Variants in RFX6 observed in about 807,000 individuals in gnomAD.
RFX6 encodes the protein regulatory factor X6.
A neutral mutation model predicts 110.8 loss-of-function variants in RFX6; 50 were observed. The observed-to-expected ratio is 0.45, with a 90% CI of 0.36 to 0.57. The LOEUF (loss-of-function observed/expected upper bound fraction) is 0.57, where lower values mean the gene tolerates loss of function less well. RFX6 is among the 20% of genes least tolerant of loss of function. The probability of loss-of-function intolerance (pLI) is 0.00; values close to 1 mark genes in which losing one functional copy is unlikely to be tolerated. For synonymous variants in RFX6, 383 were observed against 411.2 expected, an observed-to-expected ratio of 0.93 and a Z score of 0.83; for missense variants, 990 against 1,127.0, an observed-to-expected ratio of 0.88 and a Z score of 1.74.
chr6:116,881,438 A>G (rs1774588067), intron 3 of RFX6, among the ~76,000 whole-genome samples: 1 of 152,058 alleles, frequency 6.6e-6, no homozygotes. Context: ...CCAGAAAATA[A>G]TGAATACTAC....
At chr6:116,900,412 A>G (rs1052940440) in intron 6 of RFX6, among the ~76,000 whole-genome samples, 4 of 151,918 alleles carry the variant, frequency 2.6e-5, no homozygotes, top group African/African-American at 9.7e-5. Flanking sequence ...GCGCCGCCAC[A>G]CCTGGCTAAT....
intron 7 of RFX6, among the ~76,000 whole-genome samples, chr6:116,914,147 GT>G (rs1171863097): frequency 2.0e-5 from 3 of 152,062 alleles, no homozygotes; most frequent in Non-Finnish European, 4.4e-5. Flanking sequence ...AGATCCACTT[GT>G]TTAGGTCCCA....
chr6:116,890,728 G>C (rs1488876384), intron 4 of RFX6, among the ~76,000 whole-genome samples: 2 of 152,094 alleles, frequency 1.3e-5, no homozygotes, highest in African/African-American at 4.8e-5. Flanking sequence ...TGGGTTTATA[G>C]TGTTATTTAC....
chr6:116,909,912 G>A (rs1775295865), intron 6 of RFX6, among the ~76,000 whole-genome samples: 1 of 151,514 alleles, frequency 6.6e-6, no homozygotes. Flanking sequence ...GGACTCAAAA[G>A]TACTCCCAGT....
chr6:116,885,276 A>G (rs1243530442), intron 4 of RFX6, among the ~76,000 whole-genome samples: 1 of 152,220 alleles, frequency 6.6e-6, no homozygotes, highest in Non-Finnish European at 1.5e-5. Context: ...AATATCTTAT[A>G]GGATTGTTGT....
rs1475490476 is a variant in RFX6, at chr6:116,877,348, C to T, written c.73C>T (p.Gln25Ter). Reference sequence around the variant, plus strand: ...TGCGCCCCAACTGTCCCCGGGGATCCAGGAAGACTGCTGTGTGCAGCTCCT... The same window carrying T: ...TGCGCCCCAACTGTCCCCGGGGATCTAGGAAGACTGCTGTGTGCAGCTCCT... ...QPAPQLSPGI[Q>*]EDCCVQLLGK... is the part of the protein sequence containing the mutation. Residue 25 changes from glutamine to a stop codon, truncating the protein, a stop_gained, in exon 1 of 19, where the codon CAG (glutamine) becomes TAG (stop). Coordinates refer to ENST00000332958, the MANE Select transcript of RFX6 (RefSeq NM_173560.4). LOFTEE classifies it high-confidence loss of function. 3.1e-6 allele frequency: 5 copies of T among 1,612,716 alleles called. No homozygotes were observed. The highest frequency in any genetic ancestry group is 4.2e-6 in the Non-Finnish European group (5 of 1,179,562).
chr6:116,930,456 A>G lies in RFX6; in HGVS notation c.2612-875A>G, dbSNP rs1244837914. 3.9e-5 allele frequency among the ~76,000 whole-genome samples: 6 copies of G among 152,198 alleles called. No homozygotes were observed. In the South Asian group the frequency reaches 8.3e-4, roughly 21 times the overall value. ...TAGTTCTTGCCTGTAAGAAGTTTAC[A>G]TTCTAGTAGAGGGACAGTAAGGCAA... On this transcript the variant is annotated intron_variant, in intron 18 of 18. Transcript: ENST00000332958.
rs765574954 is a variant in RFX6 at position 116,877,533 on chromosome 6, G to C, written c.223+35G>C. 8.1e-6 allele frequency: 12 copies of C among 1,483,502 alleles called. No individual in the cohort carries two copies. The Admixed American group carries it at 2.5e-4, about 31-fold the overall frequency. 91.9% of individuals were successfully genotyped at this position (1,483,502 alleles called of 1,614,324 possible). On this transcript the variant is annotated intron_variant, in intron 1 of 18. Transcript: ENST00000332958. ...CTGCCGCATCCGGAGCTGGGAAGGG[G>C]ACGGGGACGTATTCTAAGAAGGGCA...
intron 12 of RFX6, among the ~76,000 whole-genome samples, chr6:116,921,149 C>T (rs1200664387): frequency 6.6e-6 from 1 of 152,180 alleles, no homozygotes; most frequent in Admixed American, 6.5e-5. Context: ...TACACTGGAG[C>T]ACAAACTATG....
At chr6:116,882,488 T>C in intron 4 of RFX6, 60 bp downstream of exon 4, 1 of 1,179,944 alleles carries the variant, frequency 8.5e-7, no homozygotes. Context: ...GACACAGATG[T>C]AAAATAAGTA....
chr6:116,888,697 A>T (rs7744438), intron 4 of RFX6, among the ~76,000 whole-genome samples: 14,987 of 152,248 alleles, frequency 0.098, 914 homozygotes, highest in African/African-American at 0.17. Context: ...TTTCTTCCAC[A>T]GTGAGACAAA....
chr6:116,903,135 A>G (rs1443002885), intron 6 of RFX6, among the ~76,000 whole-genome samples: 2 of 152,050 alleles, frequency 1.3e-5, no homozygotes, highest in East Asian at 1.9e-4. Context: ...ATATTTTACT[A>G]TTTTAAAGAT....
At position 116,927,174 on chromosome 6, in the gene RFX6, G is replaced by T; in HGVS notation, c.2033G>T (p.Cys678Phe). 1 of 1,614,128 alleles carries T rather than the reference G, an allele frequency of 6.2e-7. No homozygotes were observed. Among genetic ancestry groups the T allele is most frequent in the Non-Finnish European group, 8.5e-7 (1 of 1,180,020 alleles). Reference protein sequence around the residue: ...VGPVLSAPSHCSTYPEPIYPT... With the variant: ...VGPVLSAPSHFSTYPEPIYPT... ...CCAGTACTGTCAGCTCCATCACACT[G>T]CTCCACATACCCAGAGCCCATTTAT... Residue 678 changes from cysteine (C) to phenylalanine (F), a missense_variant, in exon 17 of 19, where the codon TGC becomes TTC. Transcript: ENST00000332958.
chr6:116,927,303 A>T lies in RFX6; in HGVS notation c.2162A>T (p.His721Leu), dbSNP rs577053716. The part of the protein sequence containing the change: ...PHSTSGLYPH[H>L]TEHGRCMAWT... The stretch of plus-strand genomic sequence containing the variant: ...TCCACATCAGGACTCTATCCTCATC[A>T]CACCGAGCATGGTCGATGCATGGCT... The change falls in exon 17 of 19, where the codon CAC (histidine) becomes CTC (leucine). Residue 721 changes from histidine (H) to leucine (L), a missense_variant. By Grantham distance (99) the His-to-Leu change is moderately conservative. Transcript: ENST00000332958. The T allele has an allele frequency of 5.0e-6, 8 of 1,614,132 alleles. No individual in the cohort carries two copies. In the South Asian group the frequency reaches 8.8e-5, roughly 18 times the overall value.
chr6:116,902,227 A>C (rs952023530), intron 6 of RFX6, among the ~76,000 whole-genome samples: 4 of 152,084 alleles, frequency 2.6e-5, no homozygotes, highest in Non-Finnish European at 5.9e-5. Context: ...TTGTGGGAGA[A>C]GAAGGGAATG....
intron 6 of RFX6, among the ~76,000 whole-genome samples, chr6:116,905,333 T>C (rs150630740): frequency 1.3e-5 from 2 of 152,306 alleles, no homozygotes; most frequent in East Asian, 3.9e-4. Context: ...TAGTCATTCA[T>C]ATATCTTCTC....
At chr6:116,915,065 C>T (rs2114692330) in intron 7 of RFX6, among the ~76,000 whole-genome samples, 1 of 152,226 alleles carries the variant, frequency 6.6e-6, no homozygotes, top group Middle Eastern at 3.4e-3. Context: ...TGCTTTTTTT[C>T]ACGTAGAGTA....
rs114738992 is a variant in RFX6, at chr6:116,921,093, T to C, written c.1327+639T>C. ...AATTTCAAGGGATAACAGCCACTAT[T>C]TTTTCCTCCCTCTGTCTTTGAAAAG... On this transcript the variant is annotated intron_variant, in intron 12 of 18. Transcript: ENST00000332958. Among the ~76,000 whole-genome samples the C allele has an allele frequency of 4.2e-3, 642 of 152,266 alleles. 4 individuals carry two copies. The highest frequency in any genetic ancestry group is 0.015 in the African/African-American group (611 of 41,558).
At position 116,877,506 on chromosome 6, in the gene RFX6, C is replaced by G. The variant is rs371914374; in HGVS notation, c.223+8C>G. ...CGGGGGCAGTGAAATCAGGTGAGTG[C>G]TCTGCCGCATCCGGAGCTGGGAAGG... On this transcript the variant is annotated splice_region_variant and intron_variant, in intron 1 of 18. Coordinates refer to ENST00000332958, the MANE Select transcript of RFX6 (RefSeq NM_173560.4). The G allele has an allele frequency of 7.4e-5, 114 of 1,547,044 alleles. No homozygotes were observed. The highest frequency in any genetic ancestry group is 9.5e-5 in the Non-Finnish European group (109 of 1,143,806).
Sources: gnomAD v4.1 joint callset for allele counts (sites outside exome capture counted in the v4.1 genomes callset) on GRCh38, gnomAD v4.1.1 for gene constraint, MANE v1.5 for transcripts, NCBI Gene and HGNC (gene_info 2026-07-23, HGNC 2026-07-21) for gene names.